The following MYLK4 variants were observed in gnomAD, a reference collection of about 807,000 sequenced individuals.
MYLK4 encodes the protein caMLCK like.
Under a neutral mutation model 48.1 loss-of-function variants are expected in MYLK4, and 46 were observed. The observed-to-expected ratio is 0.96, with a 90% CI of 0.75 to 1.22. The LOEUF (loss-of-function observed/expected upper bound fraction) is 1.22. Ranked by LOEUF, MYLK4 falls within the 50% of genes most tolerant of loss-of-function variation. The pLI is 0.00. For synonymous variants in MYLK4, 170 were observed against 180.8 expected (o/e 0.94, Z 0.48); for missense variants, 451 against 486.1 (o/e 0.93, Z 0.68).
intron 4 of MYLK4, among the ~76,000 whole-genome samples, chr6:2,688,176 A>G (rs764401926): frequency 6.6e-6 from 1 of 151,684 alleles, no homozygotes; most frequent in Non-Finnish European, 1.5e-5. Context: ...CTCCTGCCTC[A>G]GCCTCCCGAG....
At chr6:2,670,183 T>C (rs1374224817) in intron 12 of MYLK4, among the ~76,000 whole-genome samples, 4 of 152,086 alleles carry the variant, frequency 2.6e-5, no homozygotes, top group Admixed American at 1.3e-4. Flanking sequence ...CTGGCTAACA[T>C]GGTGAAACCC....
the MYLK4 span, chr6:2,766,092 G>C: frequency 2.3e-6 from 3 of 1,314,398 alleles, no homozygotes; most frequent in Non-Finnish European, 2.9e-6. Flanking sequence ...CCGCGCAGCT[G>C]GGACGAGGCG....
the MYLK4 span, chr6:2,765,974 A>G: frequency 7.1e-7 from 1 of 1,408,438 alleles, no homozygotes; most frequent in Non-Finnish European, 9.3e-7. Context: ...GCCCACACCC[A>G]GCGGCGCCCG....
chr6:2,715,541 C>A (rs1486842131), intron 2 of MYLK4, among the ~76,000 whole-genome samples: 1 of 152,140 alleles, frequency 6.6e-6, no homozygotes, highest in Non-Finnish European at 1.5e-5. Flanking sequence ...TTAACATTAC[C>A]TGTTGTATGA....
the MYLK4 span, chr6:2,765,403 A>G: frequency 4.8e-6 from 2 of 420,646 alleles, no homozygotes; most frequent in South Asian, 2.1e-4. Flanking sequence ...ACACTTCCCG[A>G]CACGCCGCGT....
At chr6:2,698,791 C>A (rs942744382) in intron 2 of MYLK4, among the ~76,000 whole-genome samples, 2 of 152,218 alleles carry the variant, frequency 1.3e-5, no homozygotes, top group Non-Finnish European at 2.9e-5. Context: ...CCTTCAACCT[C>A]AGCACACACT....
intron 7 of MYLK4, among the ~76,000 whole-genome samples, chr6:2,680,938 C>T (rs1761275672): frequency 6.6e-6 from 1 of 152,112 alleles, no homozygotes; most frequent in Non-Finnish European, 1.5e-5. Context: ...AAGACCTTAG[C>T]CTGCTGACCT....
At chr6:2,747,004 G>T (rs868128787) in intron 2 of MYLK4, among the ~76,000 whole-genome samples, 2 of 152,278 alleles carry the variant, frequency 1.3e-5, no homozygotes, top group Middle Eastern at 3.4e-3. Flanking sequence ...CCACGTGGAC[G>T]GAGAGAGACA....
intron 2 of MYLK4, among the ~76,000 whole-genome samples, chr6:2,702,238 C>T (rs1762313866): frequency 6.6e-6 from 1 of 152,104 alleles, no homozygotes; most frequent in Non-Finnish European, 1.5e-5. Context: ...ACTCAGGCCT[C>T]AGAGAAGAGC....
At chr6:2,713,720 T>C (rs1367018226) in intron 2 of MYLK4, among the ~76,000 whole-genome samples, 1 of 152,184 alleles carries the variant, frequency 6.6e-6, no homozygotes, top group Admixed American at 6.5e-5. Flanking sequence ...GGGAGGTCAT[T>C]GAGGACCAGC....
At chr6:2,764,689 T>C in the MYLK4 span, among the ~76,000 whole-genome samples, 1 of 152,176 alleles carries the variant, frequency 6.6e-6, no homozygotes, top group Non-Finnish European at 1.5e-5. Flanking sequence ...ATTTGGTTGC[T>C]AAGGAGACAG....
chr6:2,681,631 G>A (rs958691623), intron 7 of MYLK4, among the ~76,000 whole-genome samples: 1 of 152,170 alleles, frequency 6.6e-6, no homozygotes, highest in Admixed American at 6.5e-5. Flanking sequence ...AAAACAGACT[G>A]TTTGTAAGTC....
chr6:2,691,101 A>AT (rs1290175694), intron 3 of MYLK4, among the ~76,000 whole-genome samples: 2 of 152,278 alleles, frequency 1.3e-5, no homozygotes, highest in East Asian at 3.9e-4. Context: ...AAGTGCTGGG[A>AT]TTACAGGCGT....
At chr6:2,691,059 T>C (rs1226327518) in intron 3 of MYLK4, among the ~76,000 whole-genome samples, 2 of 152,130 alleles carry the variant, frequency 1.3e-5, no homozygotes, top group Non-Finnish European at 2.9e-5. Flanking sequence ...CTCCATCTCC[T>C]GACCTCGTGA....
intron 2 of MYLK4, chr6:2,744,024 G>A (rs1034562338): frequency 5.0e-5 from 20 of 399,004 alleles, no homozygotes; most frequent in African/African-American, 3.9e-4. Flanking sequence ...TTTCTTCTGA[G>A]TGTGAAGTCC....
the MYLK4 span, chr6:2,768,648 G>C: frequency 1.9e-6 from 3 of 1,538,746 alleles, no homozygotes; most frequent in Non-Finnish European, 2.6e-6. Context: ...GTCTCTCTGT[G>C]TCTTACCAGC....
chr6:2,763,006 GC>G, the MYLK4 span, among the ~76,000 whole-genome samples: 1 of 152,184 alleles, frequency 6.6e-6, no homozygotes, highest in Non-Finnish European at 1.5e-5. Flanking sequence ...GCAAAAGAAA[GC>G]CAAGCGGGTC....
rs560929873 is a variant in MYLK4, at chr6:2,685,888, C to T, written c.342-312G>A. ...CCAGTCTGGCCAACATAGTGAAACC[C>T]CATCTCTGCTAAAAATACAAATACA... is the stretch of plus-strand genomic sequence containing the variant. On this transcript the variant is annotated intron_variant, in intron 4 of 12. Coordinates refer to ENST00000274643, the MANE Select transcript of MYLK4 (RefSeq NM_001012418.5). This position sits in a 1 kb window ranked among gnomAD's most constrained non-coding sequence, Gnocchi z 4.5. Among the ~76,000 whole-genome samples the T allele has an allele frequency of 2.6e-5, 4 of 152,068 alleles. 1 individual carries two copies. The South Asian group carries it at 8.3e-4, about 32-fold the overall frequency.
rs752078679 is a variant in MYLK4 at position 2,685,341 on chromosome 6, T to G, written c.500A>C (p.Tyr167Ser). The change falls in exon 6 of 13, where the codon TAC (tyrosine) becomes TCC (serine). Residue 167 changes from tyrosine to serine, a missense_variant. Transcript: ENST00000274643. The surrounding 1 kb of genome is among the most constrained non-coding windows in gnomAD (Gnocchi z 4.5). The part of the protein sequence containing the change: ...QLDHANLIQL[Y>S]DAFESKNDIV... The stretch of plus-strand genomic sequence containing the variant: ...GTCGTTCTTAGACTCGAAGGCATCG[T>G]ACAGCTGGATGAGGTTCGCGTGGTC... 3 of 1,613,602 alleles carry G rather than the reference T, an allele frequency of 1.9e-6. No individual in the cohort carries two copies. In the Admixed American group the frequency reaches 5.0e-5, roughly 27 times the overall value.
Sources: allele counts gnomAD v4.1 joint callset (sites outside exome capture counted in the v4.1 genomes callset), GRCh38; gene constraint gnomAD v4.1.1; non-coding constraint Gnocchi (gnomAD v3.1); transcripts MANE v1.5; gene names NCBI Gene and HGNC (gene_info 2026-07-23, HGNC 2026-07-21).